WDR70: variants seen among roughly 807,000 people sequenced by gnomAD.
WDR70 encodes the protein WD repeat domain 70, also known as WD repeat-containing protein 70.
A neutral mutation model predicts 88.6 loss-of-function variants in WDR70; 53 were observed. That is an observed-to-expected ratio of 0.60 (90% confidence interval 0.48 to 0.75). WDR70 has a LOEUF of 0.75. WDR70 is among the 30% of genes least tolerant of loss of function. WDR70 has a pLI of 0.00. For missense variants in WDR70, 610 were observed against 823.2 expected, an observed-to-expected ratio of 0.74 and a Z score of 3.17; for synonymous variants, 280 against 270.0, an observed-to-expected ratio of 1.04 and a Z score of -0.36.
At chr5:37,746,922 G>A (rs1486847225) in intron 17 of WDR70, among the ~76,000 whole-genome samples, 1 of 152,124 alleles carries the variant, frequency 6.6e-6, no homozygotes, top group Non-Finnish European at 1.5e-5. Flanking sequence ...ATTTTATGAA[G>A]CCAGCATCAT....
intron 7 of WDR70, among the ~76,000 whole-genome samples, chr5:37,470,591 T>G (rs1236380090): frequency 6.6e-6 from 1 of 152,196 alleles, no homozygotes; most frequent in East Asian, 1.9e-4. Context: ...CATATATTGT[T>G]TTTGTCTGGC....
At chr5:37,573,092 T>C (rs973878395) in intron 9 of WDR70, among the ~76,000 whole-genome samples, 7 of 152,208 alleles carry the variant, frequency 4.6e-5, no homozygotes, top group Non-Finnish European at 2.9e-5. Flanking sequence ...CTGTTATACT[T>C]TTTGAAATTC....
chr5:37,596,298 T>C (rs929453825), intron 9 of WDR70, among the ~76,000 whole-genome samples: 1 of 152,176 alleles, frequency 6.6e-6, no homozygotes, highest in African/African-American at 2.4e-5. Flanking sequence ...ACCCCAGTGT[T>C]ATAAGACACC....
chr5:37,499,377 G>T (rs989692048), intron 8 of WDR70, among the ~76,000 whole-genome samples: 1 of 151,830 alleles, frequency 6.6e-6, no homozygotes, highest in Non-Finnish European at 1.5e-5. Flanking sequence ...GCCTCCCAAA[G>T]TGCTGGGATT....
intron 10 of WDR70, among the ~76,000 whole-genome samples, chr5:37,606,351 A>C (rs1329731652): frequency 1.3e-5 from 2 of 152,192 alleles, no homozygotes; most frequent in African/African-American, 2.4e-5. Context: ...AGATCTTAAA[A>C]ACTTCTTTGA....
Position 37,389,729 on chromosome 5 carries a change from G to A in WDR70, c.176-2271G>A, listed in dbSNP as rs150643770. The stretch of plus-strand genomic sequence containing the variant: ...GCCCGACAGGCCCATTCTTAAATCT[G>A]GACACTGCTTTTTTTTAAATTTTTT... On this transcript the variant is annotated intron_variant, in intron 3 of 17. Transcript: ENST00000265107. 3.3e-5 allele frequency among the ~76,000 whole-genome samples: 5 copies of A among 152,156 alleles called. No individual in the cohort carries two copies. The East Asian group carries it at 9.6e-4, about 29-fold the overall frequency.
chr5:37,723,060 T>C (rs1561091410), intron 15 of WDR70, 126 bp downstream of exon 15: 2 of 1,103,316 alleles, frequency 1.8e-6, no homozygotes. Flanking sequence ...TGCCCATTCA[T>C]GTGGATAGGA....
At position 37,727,271 on chromosome 5, in the gene WDR70, A is replaced by T. The variant is rs1358589359; in HGVS notation, c.1877+226A>T. Among the ~76,000 whole-genome samples the T allele has an allele frequency of 1.3e-5, 2 of 152,202 alleles. 1 individual carries two copies. Among genetic ancestry groups the T allele is most frequent in the East Asian group, 3.9e-4 (2 of 5,194 alleles). On this transcript the variant is annotated intron_variant, in intron 17 of 17. Coordinates refer to ENST00000265107, the MANE Select transcript of WDR70 (RefSeq NM_018034.4). ...GCCCATTCCATCAGAGTTGTAGCAT[A>T]GTGTAAACCATTATGTGAAGCCCAT... is the stretch of plus-strand genomic sequence containing the variant.
At chr5:37,731,965 AG>A (rs74878991) in intron 17 of WDR70, among the ~76,000 whole-genome samples, 9,690 of 152,242 alleles carry the variant, frequency 0.064, 406 homozygotes, top group South Asian at 0.15. Flanking sequence ...TAGAATTTCC[AG>A]GTTATTGTTC....
chr5:37,727,713 C>T (rs540738590), intron 17 of WDR70, among the ~76,000 whole-genome samples: 4 of 152,092 alleles, frequency 2.6e-5, no homozygotes, highest in East Asian at 1.9e-4. Context: ...GTAGCTAGCA[C>T]GACAAGCATG....
At chr5:37,527,340 C>T (rs1020080439) in intron 9 of WDR70, among the ~76,000 whole-genome samples, 2 of 152,148 alleles carry the variant, frequency 1.3e-5, no homozygotes, top group Non-Finnish European at 2.9e-5. Flanking sequence ...ACATCTACAA[C>T]CATCTGATCT....
chr5:37,476,839 TTTC>T (rs1739501709), intron 7 of WDR70, among the ~76,000 whole-genome samples: 1 of 152,156 alleles, frequency 6.6e-6, no homozygotes, highest in South Asian at 2.1e-4. Flanking sequence ...TGCCTGGCCT[TTTC>T]TTCTTTTTTT....
chr5:37,432,534 G>A (rs368958912), intron 5 of WDR70, among the ~76,000 whole-genome samples: 8 of 151,734 alleles, frequency 5.3e-5, no homozygotes, highest in South Asian at 2.1e-4. Flanking sequence ...GACTACAGGC[G>A]TGTGCCACCA....
At chr5:37,450,098 T>C (rs1271204903) in intron 7 of WDR70, among the ~76,000 whole-genome samples, 2 of 152,340 alleles carry the variant, frequency 1.3e-5, no homozygotes, top group East Asian at 1.9e-4. Context: ...TATGGATGCA[T>C]AGTATTCCAT....
At chr5:37,466,500 A>G (rs1019617274) in intron 7 of WDR70, among the ~76,000 whole-genome samples, 6 of 151,834 alleles carry the variant, frequency 4.0e-5, no homozygotes, top group African/African-American at 1.5e-4. Context: ...AGGTCAGGAG[A>G]TCGAGACCAT....
At chr5:37,738,679 G>A (rs1041810781) in intron 17 of WDR70, among the ~76,000 whole-genome samples, 2 of 152,178 alleles carry the variant, frequency 1.3e-5, no homozygotes, top group Non-Finnish European at 2.9e-5. Context: ...CTGGATGGAA[G>A]CACTGAAGGT....
chr5:37,615,676 C>T (rs776601496), intron 10 of WDR70, among the ~76,000 whole-genome samples: 10 of 152,220 alleles, frequency 6.6e-5, no homozygotes, highest in Non-Finnish European at 1.5e-4. Context: ...AAACAACCCA[C>T]CAGGATTATA....
chr5:37,660,300 T>C (rs6885057), intron 10 of WDR70, among the ~76,000 whole-genome samples: 87,203 of 151,964 alleles, frequency 0.57, 25,215 homozygotes, highest in African/African-American at 0.61. Context: ...GATAGAGTAT[T>C]CTATAAATAT....
At chr5:37,466,693 G>A (rs554003786) in intron 7 of WDR70, among the ~76,000 whole-genome samples, 1 of 105,720 alleles carries the variant, frequency 9.5e-6, no homozygotes, top group Non-Finnish European at 1.7e-5. Context: ...GCGACAGAGC[G>A]AGACTCCATC....
Sources: allele counts gnomAD v4.1 joint callset (sites outside exome capture counted in the v4.1 genomes callset), GRCh38; gene constraint gnomAD v4.1.1; transcripts MANE v1.5; gene names NCBI Gene and HGNC (gene_info 2026-07-23, HGNC 2026-07-21).